Variants in KCNK2 observed in about 807,000 individuals in gnomAD.
The protein encoded by KCNK2 is potassium two pore domain channel subfamily K member 2, also known as potassium channel subfamily K member 2.
A neutral mutation model predicts 40.5 loss-of-function variants in KCNK2; 21 were observed. That is an observed-to-expected ratio of 0.52 (90% CI 0.37 to 0.75). KCNK2 has a LOEUF of 0.75. KCNK2 is among the 30% of genes least tolerant of loss of function. The probability of loss-of-function intolerance (pLI) is 0.00; values close to 1 mark genes in which losing one functional copy is unlikely to be tolerated. For synonymous variants in KCNK2, 191 were observed against 202.2 expected (o/e 0.94, Z 0.47); for missense variants, 399 against 531.6 (o/e 0.75, Z 2.45).
intron 5 of KCNK2, among the ~76,000 whole-genome samples, chr1:215,182,649 A>G (rs1664274026): frequency 6.6e-6 from 1 of 152,044 alleles, no homozygotes. Flanking sequence ...GGCACTTTCC[A>G]CAGTTTTGAC....
intron 3 of KCNK2, among the ~76,000 whole-genome samples, chr1:215,167,385 A>G (rs1298129430): frequency 6.6e-6 from 1 of 151,982 alleles, no homozygotes; most frequent in Non-Finnish European, 1.5e-5. Flanking sequence ...TGAGTAACAG[A>G]TAACTAAAAT....
At chr1:215,062,559 G>A (rs935370600) in intron 1 of KCNK2, among the ~76,000 whole-genome samples, 4 of 150,882 alleles carry the variant, frequency 2.7e-5, no homozygotes, top group African/African-American at 9.7e-5. Context: ...CACCTGATAT[G>A]ATTTAGATAG....
In KCNK2 at chr1:215,129,312, C is replaced by T. The variant is rs61818324; in HGVS notation, c.475+4562C>T. On this transcript the variant is annotated intron_variant, in intron 3 of 6. Transcript: ENST00000444842. ...TTCATTTTAGTCATTCCCTTCTCCCCCTACCCCCATTTTTTGTTTGTTTGT... is the reference window on the plus strand; with the variant it reads ...TTCATTTTAGTCATTCCCTTCTCCCTCTACCCCCATTTTTTGTTTGTTTGT... Among the ~76,000 whole-genome samples, 1,472 of 152,148 alleles carry T rather than the reference C, an allele frequency of 9.7e-3. 23 individuals carry two copies. The highest frequency in any genetic ancestry group is 0.062 in the South Asian group (296 of 4,812).
intron 1 of KCNK2, among the ~76,000 whole-genome samples, chr1:215,049,642 C>T (rs1412308104): frequency 6.6e-6 from 1 of 152,140 alleles, no homozygotes; most frequent in East Asian, 1.9e-4. Flanking sequence ...CAGTGAGGCA[C>T]ATAATTCATT....
At chr1:215,220,561 A>G (rs1017063492) in intron 6 of KCNK2, among the ~76,000 whole-genome samples, 2 of 152,108 alleles carry the variant, frequency 1.3e-5, no homozygotes, top group Non-Finnish European at 2.9e-5. Context: ...TCCCAAAGCA[A>G]CTGCACGGAT....
chr1:215,112,162 C>T (rs1382391368), intron 2 of KCNK2, among the ~76,000 whole-genome samples: 2 of 151,974 alleles, frequency 1.3e-5, no homozygotes, highest in East Asian at 1.9e-4. Context: ...CCTCAAGAAG[C>T]CTTTTGGAAA....
chr1:215,027,313 T>C (rs951766090), intron 1 of KCNK2, among the ~76,000 whole-genome samples: 2 of 152,182 alleles, frequency 1.3e-5, no homozygotes, highest in Non-Finnish European at 2.9e-5. Flanking sequence ...AGCTTTCTGT[T>C]TGATTCCTGG....
At chr1:215,188,101 A>G (rs539389591) in intron 5 of KCNK2, among the ~76,000 whole-genome samples, 2 of 152,342 alleles carry the variant, frequency 1.3e-5, no homozygotes, top group East Asian at 3.9e-4. Context: ...GCATGAATTT[A>G]TTTAACCATC....
intron 3 of KCNK2, among the ~76,000 whole-genome samples, chr1:215,163,144 A>G (rs1438141133): frequency 6.6e-6 from 1 of 152,072 alleles, no homozygotes; most frequent in Non-Finnish European, 1.5e-5. Flanking sequence ...GGTCCTTCAC[A>G]TCCATTGTAA....
intron 3 of KCNK2, among the ~76,000 whole-genome samples, chr1:215,125,741 T>TAA (rs1661394672): frequency 2.7e-3 from 5 of 1,832 alleles, no homozygotes; most frequent in South Asian, 0.015. Context: ...GTATAATAAA[T>TAA]ATATATATAT....
intron 2 of KCNK2, among the ~76,000 whole-genome samples, chr1:215,093,651 G>T (rs1659806956): frequency 1.2e-5 from 1 of 83,214 alleles, no homozygotes; most frequent in Non-Finnish European, 1.9e-5. Flanking sequence ...ATATAATATA[G>T]AATATAGGAT....
chr1:215,052,595 T>C (rs1486265183), intron 1 of KCNK2, among the ~76,000 whole-genome samples: 1 of 152,150 alleles, frequency 6.6e-6, no homozygotes, highest in African/African-American at 2.4e-5. Context: ...GTGGAGGTGC[T>C]ACTAGCATAC....
chr1:215,012,023 C>T (rs1656416264), intron 1 of KCNK2, among the ~76,000 whole-genome samples: 1 of 151,980 alleles, frequency 6.6e-6, no homozygotes, highest in African/African-American at 2.4e-5. Context: ...TTTGTTGTAC[C>T]AGGGTAACTC....
chr1:215,036,402 T>C (rs1488626593), intron 1 of KCNK2, among the ~76,000 whole-genome samples: 1 of 151,996 alleles, frequency 6.6e-6, no homozygotes, highest in Non-Finnish European at 1.5e-5. Flanking sequence ...TCTATTTTTC[T>C]ATCTTTACAT....
At position 215,209,384 on chromosome 1, in the gene KCNK2, T is replaced by A. The variant is rs1389229308; in HGVS notation, c.963+14292T>A. 4.1e-4 allele frequency among the ~76,000 whole-genome samples: 8 copies of A among 19,360 alleles called. No individual in the cohort carries two copies. In the East Asian group the frequency reaches 0.018, roughly 42 times the overall value. The allele number at this position is 19,360 out of a possible 152,430, so 12.7% of individuals were successfully genotyped here. On this transcript the variant is annotated intron_variant, in intron 6 of 6. Transcript: ENST00000444842. ...ATATATGCATATATTATATATAAAA[T>A]ATATATATTATATATAAAATATGCA...
chr1:215,018,725 G>GGA lies in KCNK2; in HGVS notation c.34+12770_34+12771insGA, dbSNP rs1175974140. The stretch of plus-strand genomic sequence containing the variant: ...GAGGTTGGGGAATTACGCATGGCCA[G>GGA]TCATTTCAGGATCATTTAGTCATGC... On this transcript the variant is annotated intron_variant, in intron 1 of 6. Coordinates refer to the KCNK2 transcript ENST00000391895. 2.0e-5 allele frequency among the ~76,000 whole-genome samples: 3 copies of GGA among 152,180 alleles called. No individual in the cohort carries two copies. The East Asian group carries it at 5.8e-4, about 29-fold the overall frequency.
intron 1 of KCNK2, among the ~76,000 whole-genome samples, chr1:215,020,462 G>C (rs1163429649): frequency 6.6e-6 from 1 of 152,174 alleles, no homozygotes; most frequent in African/African-American, 2.4e-5. Flanking sequence ...GTCTGGCTGT[G>C]TTACTTAGGC....
At chr1:215,046,038 C>T (rs1414402870) in intron 1 of KCNK2, among the ~76,000 whole-genome samples, 1 of 152,038 alleles carries the variant, frequency 6.6e-6, no homozygotes, top group South Asian at 2.1e-4. Flanking sequence ...TTCATGTAAC[C>T]GTGGAAAAAT....
chr1:215,164,530 C>T (rs1166782271), intron 3 of KCNK2, among the ~76,000 whole-genome samples: 1 of 152,110 alleles, frequency 6.6e-6, no homozygotes, highest in Non-Finnish European at 1.5e-5. Flanking sequence ...TTAGATCTTT[C>T]CCACTTTCTC....
Sources: gnomAD v4.1 joint callset for allele counts (sites outside exome capture counted in the v4.1 genomes callset) on GRCh38, gnomAD v4.1.1 for gene constraint, MANE v1.5 for transcripts, NCBI Gene and HGNC (gene_info 2026-07-23, HGNC 2026-07-21) for gene names.